CTNNA3: variants seen among roughly 807,000 people sequenced by gnomAD.
CTNNA3 encodes the protein catenin alpha-3.
CTNNA3 carries 76 observed loss-of-function variants against 95.7 expected under a neutral mutation model. The ratio of observed to expected loss-of-function variants is 0.79; its 90% CI spans 0.66 to 0.96. The LOEUF is 0.96. Ranked by LOEUF, CTNNA3 falls within the 40% of genes least tolerant of loss-of-function variation. CTNNA3 has a pLI of 0.00. For missense variants in CTNNA3, 1,191 were observed against 1,089.8 expected, an observed-to-expected ratio of 1.09 and a Z score of -1.31; for synonymous variants, 431 against 374.4, an observed-to-expected ratio of 1.15 and a Z score of -1.74.
Position 67,200,011 on chromosome 10 carries a change from T to C in CTNNA3, c.844-19491A>G, listed in dbSNP as rs146197150. Reference sequence around the variant, plus strand: ...TGGTAAGAATACTTTGCCCCTTTTCTTTGCAGACAGGAAAAAGCAATTGAA... The same window carrying C: ...TGGTAAGAATACTTTGCCCCTTTTCCTTGCAGACAGGAAAAAGCAATTGAA... On this transcript the variant is annotated intron_variant, in intron 6 of 17. Transcript: ENST00000433211. 1.6e-3 allele frequency among the ~76,000 whole-genome samples: 240 copies of C among 152,252 alleles called. 3 individuals carry two copies. The highest frequency in any genetic ancestry group is 5.6e-3 in the African/African-American group (231 of 41,568).
intron 13 of CTNNA3, among the ~76,000 whole-genome samples, chr10:66,248,663 A>C (rs1398226132): frequency 6.6e-6 from 1 of 152,210 alleles, no homozygotes; most frequent in Non-Finnish European, 1.5e-5. Flanking sequence ...TGATTATATA[A>C]TGATAAAGAG....
intron 15 of CTNNA3, among the ~76,000 whole-genome samples, chr10:66,061,860 A>T (rs796529427): frequency 6.6e-6 from 1 of 152,274 alleles, no homozygotes; most frequent in Non-Finnish European, 1.5e-5. Context: ...AAATCCTAAC[A>T]GATTGAACAT....
intron 3 of CTNNA3, among the ~76,000 whole-genome samples, chr10:67,549,165 CA>C (rs958533136): frequency 6.7e-6 from 1 of 148,618 alleles, no homozygotes; most frequent in Non-Finnish European, 1.5e-5. Context: ...CAGAGGGGAC[CA>C]AAAAAAAATC....
chr10:66,711,388 T>A (rs1228696721), intron 9 of CTNNA3, among the ~76,000 whole-genome samples: 1 of 151,910 alleles, frequency 6.6e-6, no homozygotes, highest in Admixed American at 6.6e-5. Context: ...ATGAAATATA[T>A]GAATTTAAGT....
chr10:67,550,743 C>A (rs1214248750), intron 3 of CTNNA3, among the ~76,000 whole-genome samples: 2 of 150,406 alleles, frequency 1.3e-5, no homozygotes, highest in East Asian at 3.9e-4. Context: ...TAGGTGAAAG[C>A]CTTTAGTTCT....
intron 15 of CTNNA3, among the ~76,000 whole-genome samples, chr10:65,989,102 G>A (rs1318947625): frequency 6.6e-6 from 1 of 151,908 alleles, no homozygotes; most frequent in Non-Finnish European, 1.5e-5. Flanking sequence ...CACCATGCCC[G>A]GCTAATTTTT....
At position 66,881,751 on chromosome 10, in the gene CTNNA3, G is replaced by A. The variant is rs150226634; in HGVS notation, c.1048-106227C>T. On this transcript the variant is annotated intron_variant, in intron 7 of 17. Transcript: ENST00000433211. ...TCCAGCAGGATTAAAAGAGCAATCT[G>A]TGATAATGCAATAGAATAAAGCTAA... Among the ~76,000 whole-genome samples the A allele has an allele frequency of 5.5e-3, 842 of 152,120 alleles. 2 individuals are homozygous for A. The highest frequency in any genetic ancestry group is 9.1e-3 in the Non-Finnish European group (621 of 67,976).
At chr10:66,955,280 C>T (rs1032281348) in intron 7 of CTNNA3, among the ~76,000 whole-genome samples, 50 of 152,084 alleles carry the variant, frequency 3.3e-4, no homozygotes, top group African/African-American at 1.1e-3. Context: ...AAAAAGATAA[C>T]GATTATTTTG....
intron 13 of CTNNA3, among the ~76,000 whole-genome samples, chr10:66,154,787 T>G (rs1589575411): frequency 6.9e-6 from 1 of 144,882 alleles, no homozygotes; most frequent in African/African-American, 2.6e-5. Flanking sequence ...GAAAATGTCC[T>G]ATTAATTTTT....
chr10:66,399,882 C>G (rs2093007142), intron 11 of CTNNA3, among the ~76,000 whole-genome samples: 1 of 151,870 alleles, frequency 6.6e-6, no homozygotes, highest in African/African-American at 2.4e-5. Flanking sequence ...TTCTCTGTCC[C>G]AACAAACCTA....
At chr10:67,589,222 A>G (rs1480866567) in intron 3 of CTNNA3, among the ~76,000 whole-genome samples, 3 of 152,136 alleles carry the variant, frequency 2.0e-5, no homozygotes, top group South Asian at 2.1e-4. Flanking sequence ...GCTTTTTCCT[A>G]TGTGCCTCCA....
intron 7 of CTNNA3, among the ~76,000 whole-genome samples, chr10:67,143,947 T>A (rs985409124): frequency 1.4e-4 from 22 of 152,200 alleles, no homozygotes; most frequent in Non-Finnish European, 2.2e-4. Context: ...TTTGCCCAGA[T>A]CTATCAGAGG....
chr10:67,290,769 C>A (rs1353504466), intron 5 of CTNNA3, among the ~76,000 whole-genome samples: 2 of 152,130 alleles, frequency 1.3e-5, no homozygotes, highest in African/African-American at 4.8e-5. Flanking sequence ...AAATTGTTAA[C>A]AAATATGTAG....
chr10:66,895,734 G>A (rs1025995315), intron 7 of CTNNA3, among the ~76,000 whole-genome samples: 61 of 151,976 alleles, frequency 4.0e-4, no homozygotes, highest in African/African-American at 1.4e-3. Flanking sequence ...GAGGATTAAT[G>A]GAAGTAATAC....
chr10:66,297,570 C>A (rs1279034162), intron 12 of CTNNA3, among the ~76,000 whole-genome samples: 1 of 152,106 alleles, frequency 6.6e-6, no homozygotes, highest in South Asian at 2.1e-4. Context: ...TGTCCTCTAT[C>A]CTACATTTAT....
Position 66,418,131 on chromosome 10 carries a change from G to A in CTNNA3, c.1532-38779C>T, listed in dbSNP as rs114178602. Among the ~76,000 whole-genome samples, 821 of 144,564 alleles carry A rather than the reference G, an allele frequency of 5.7e-3. 7 individuals carry two copies. The highest frequency in any genetic ancestry group is 0.015 in the South Asian group (70 of 4,600). 94.8% of individuals were successfully genotyped at this position (144,564 alleles called of 152,430 possible). A position where few individuals can be genotyped will look rare whatever the true frequency, so the allele number is the denominator to read the frequency against. ...AAACATTAAAAAAAAAAAAAACTAC[G>A]AGCTAGACTAACAAAGAAAAGAGAA... On this transcript the variant is annotated intron_variant, in intron 11 of 17. Coordinates refer to ENST00000433211, the MANE Select transcript of CTNNA3 (RefSeq NM_013266.4).
At chr10:67,665,124 A>AAATAATGTC in intron 1 of CTNNA3, among the ~76,000 whole-genome samples, 1 of 152,318 alleles carries the variant, frequency 6.6e-6, no homozygotes, top group African/African-American at 2.4e-5. Context: ...CTGATGTAAG[A>AAATAATGTC]CTACTATAGC....
At chr10:66,461,135 A>G (rs2093526319) in intron 11 of CTNNA3, among the ~76,000 whole-genome samples, 1 of 152,142 alleles carries the variant, frequency 6.6e-6, no homozygotes. Flanking sequence ...GGGAAGGAAC[A>G]AGAGAATACA....
chr10:66,821,936 A>G (rs368000562), intron 7 of CTNNA3, among the ~76,000 whole-genome samples: 13 of 152,266 alleles, frequency 8.5e-5, no homozygotes, highest in Admixed American at 3.3e-4. Context: ...AAATGAGCAG[A>G]GTATTTGTTT....
Sources: gnomAD v4.1 joint callset for allele counts (sites outside exome capture counted in the v4.1 genomes callset) on GRCh38, gnomAD v4.1.1 for gene constraint, MANE v1.5 for transcripts, NCBI Gene and HGNC (gene_info 2026-07-23, HGNC 2026-07-21) for gene names.